The following MALRD1 variants were observed in gnomAD, a reference collection of about 807,000 sequenced individuals.
The protein encoded by MALRD1 is MAM and LDL receptor class A domain containing 1.
A neutral mutation model predicts 242.1 loss-of-function variants in MALRD1; 247 were observed. The ratio of observed to expected loss-of-function variants is 1.02; its 90% CI spans 0.92 to 1.13. The LOEUF (loss-of-function observed/expected upper bound fraction) is 1.13. MALRD1 is among the 50% of genes most tolerant of loss of function. MALRD1 has a pLI of 0.00. For synonymous variants in MALRD1, 995 were observed against 866.6 expected, an observed-to-expected ratio of 1.15 and a Z score of -2.60; for missense variants, 2,989 against 2,533.1, an observed-to-expected ratio of 1.18 and a Z score of -3.86.
At chr10:19,456,778 T>TATTC (rs1276055519) in intron 29 of MALRD1, among the ~76,000 whole-genome samples, 1 of 146,986 alleles carries the variant, frequency 6.8e-6, no homozygotes, top group Non-Finnish European at 1.5e-5. Context: ...TTTATTTATT[T>TATTC]ATTTATTTAT....
chr10:19,591,294 G>C (rs1168434704), intron 33 of MALRD1, among the ~76,000 whole-genome samples: 1 of 152,094 alleles, frequency 6.6e-6, no homozygotes, highest in Non-Finnish European at 1.5e-5. Flanking sequence ...ATTATTATCA[G>C]CTCCAATATC....
chr10:19,102,528 C>A (rs187747111), intron 4 of MALRD1, among the ~76,000 whole-genome samples: 620 of 152,146 alleles, frequency 4.1e-3, no homozygotes, highest in Non-Finnish European at 6.1e-3. Context: ...GAAAAATGAT[C>A]TGTTGTGTTT....
chr10:19,140,960 T>C (rs1218427171), intron 10 of MALRD1, among the ~76,000 whole-genome samples: 2 of 152,142 alleles, frequency 1.3e-5, no homozygotes, highest in African/African-American at 4.8e-5. Flanking sequence ...ACACAAAAGG[T>C]AACTATATGA....
At chr10:19,444,093 G>C (rs1834823077) in intron 28 of MALRD1, among the ~76,000 whole-genome samples, 1 of 152,016 alleles carries the variant, frequency 6.6e-6, no homozygotes, top group Non-Finnish European at 1.5e-5. Context: ...GATCTCTGTT[G>C]GTTTAAATTC....
chr10:19,715,529 A>C (rs896342522), intron 38 of MALRD1, among the ~76,000 whole-genome samples: 1 of 152,144 alleles, frequency 6.6e-6, no homozygotes, highest in African/African-American at 2.4e-5. Flanking sequence ...GCAAAAATTT[A>C]TTGGAGAAAA....
At position 19,266,190 on chromosome 10, in the gene MALRD1, T is replaced by C. The variant is rs545131278; in HGVS notation, c.3079+8419T>C. Among the ~76,000 whole-genome samples the C allele has an allele frequency of 2.4e-3, 368 of 151,962 alleles. 2 individuals are homozygous for C. The highest frequency in any genetic ancestry group is 4.0e-3 in the Non-Finnish European group (273 of 67,812). On this transcript the variant is annotated intron_variant, in intron 19 of 39. Coordinates refer to ENST00000454679, the MANE Select transcript of MALRD1 (RefSeq NM_001142308.3). Reference sequence around the variant, plus strand: ...TAAGACATTCTATGTCTTTTTGTTGTAGAATGTAATTCACTTACATTTAAA... The same window carrying C: ...TAAGACATTCTATGTCTTTTTGTTGCAGAATGTAATTCACTTACATTTAAA...
At chr10:19,241,013 C>T (rs892143779) in intron 18 of MALRD1, among the ~76,000 whole-genome samples, 1 of 151,928 alleles carries the variant, frequency 6.6e-6, no homozygotes, top group African/African-American at 2.4e-5. Flanking sequence ...GGAATATTGG[C>T]CTGTTATTTT....
rs1846138376 is a variant in MALRD1, at chr10:19,387,578, C to G, written c.4492C>G (p.Leu1498Val). 3 of 1,550,246 alleles carry G rather than the reference C, an allele frequency of 1.9e-6. No homozygotes were observed. The highest frequency in any genetic ancestry group is 2.6e-6 in the Non-Finnish European group (3 of 1,146,880). The change falls in exon 27 of 40, where the codon CTG (leucine) becomes GTG (valine). Residue 1498 changes from leucine to valine, a missense_variant. Physicochemically the swap from Leu to Val is conservative, Grantham distance 32. Coordinates refer to ENST00000454679, the MANE Select transcript of MALRD1 (RefSeq NM_001142308.3). ...ATGTCATAATGGAAAATGCTATAGGCTGGAACAAAGCTGTAACTTCGTAGA... is the reference window on the plus strand; with the variant it reads ...ATGTCATAATGGAAAATGCTATAGGGTGGAACAAAGCTGTAACTTCGTAGA... ...RECHNGKCYRLEQSCNFVDNC... is the reference protein window; with the variant it reads ...RECHNGKCYRVEQSCNFVDNC...
At chr10:19,542,086 A>G (rs1420868406) in intron 32 of MALRD1, among the ~76,000 whole-genome samples, 1 of 152,178 alleles carries the variant, frequency 6.6e-6, no homozygotes, top group Non-Finnish European at 1.5e-5. Flanking sequence ...GAGTTATGCA[A>G]CTAAAAATTA....
At chr10:19,597,761 C>T (rs10764088) in intron 34 of MALRD1, among the ~76,000 whole-genome samples, 77,102 of 151,962 alleles carry the variant, frequency 0.51, 19,638 homozygotes, top group Non-Finnish European at 0.53. Flanking sequence ...GTGACAGAGA[C>T]AAGCACCTCG....
At chr10:19,247,800 A>G (rs1353373299) in intron 18 of MALRD1, among the ~76,000 whole-genome samples, 1 of 152,092 alleles carries the variant, frequency 6.6e-6, no homozygotes, top group Non-Finnish European at 1.5e-5. Context: ...AAAGAACAAA[A>G]TGTTATTAAC....
chr10:19,428,290 A>T (rs1447263259), intron 28 of MALRD1, among the ~76,000 whole-genome samples: 1 of 151,856 alleles, frequency 6.6e-6, no homozygotes, highest in African/African-American at 2.4e-5. Flanking sequence ...GCATAGGTTT[A>T]TCTGACTTCT....
intron 18 of MALRD1, among the ~76,000 whole-genome samples, chr10:19,221,884 G>A (rs534018996): frequency 9.9e-5 from 15 of 151,304 alleles, no homozygotes; most frequent in Middle Eastern, 6.8e-3. Flanking sequence ...AGGCAGGAAG[G>A]AAAGAAGGAA....
chr10:19,105,538 G>A (rs1364543384), intron 5 of MALRD1, among the ~76,000 whole-genome samples: 1 of 151,886 alleles, frequency 6.6e-6, no homozygotes, highest in East Asian at 1.9e-4. Flanking sequence ...ATTTTCTTTG[G>A]ATAAATACTC....
At chr10:19,303,380 T>C (rs1842033328) in intron 21 of MALRD1, among the ~76,000 whole-genome samples, 1 of 151,678 alleles carries the variant, frequency 6.6e-6, no homozygotes, top group Non-Finnish European at 1.5e-5. Flanking sequence ...TTATTTAATA[T>C]ATAAATAAAT....
intron 38 of MALRD1, among the ~76,000 whole-genome samples, chr10:19,724,527 C>T (rs1256602569): frequency 6.6e-6 from 1 of 152,156 alleles, no homozygotes; most frequent in East Asian, 1.9e-4. Flanking sequence ...ACCTTTGTTT[C>T]CTTTCAACCC....
intron 36 of MALRD1, among the ~76,000 whole-genome samples, chr10:19,635,034 C>A (rs550187995): frequency 6.6e-6 from 1 of 152,190 alleles, no homozygotes; most frequent in African/African-American, 2.4e-5. Context: ...TGGCAAGGAT[C>A]ACAGACTGCC....
At position 19,205,229 on chromosome 10, in the gene MALRD1, G is replaced by A; in HGVS notation, c.2542G>A (p.Asp848Asn). Reference protein sequence around the residue: ...IEKLRLCDLVDDCGDRTDEVN... With the variant: ...IEKLRLCDLVNDCGDRTDEVN... The stretch of plus-strand genomic sequence containing the variant: ...AAAGCTTCGGTTATGTGATCTGGTG[G>A]ATGACTGTGGTGATCGTACTGATGA... Residue 848 changes from aspartate (D) to asparagine (N), a missense_variant, in exon 17 of 40, where the codon GAT becomes AAT. Asp to Asn is a conservative substitution (Grantham distance 23, BLOSUM62 1). Transcript: ENST00000454679. The A allele has an allele frequency of 6.4e-7, 1 of 1,550,856 alleles. No homozygotes were observed. Among genetic ancestry groups the A allele is most frequent in the Non-Finnish European group, 8.7e-7 (1 of 1,147,034 alleles).
intron 24 of MALRD1, among the ~76,000 whole-genome samples, chr10:19,346,204 C>G (rs1377939632): frequency 6.6e-6 from 1 of 152,082 alleles, no homozygotes; most frequent in Non-Finnish European, 1.5e-5. Flanking sequence ...CAGAAACAAA[C>G]AAACAAAAAC....
Sources: gnomAD v4.1 joint callset for allele counts (sites outside exome capture counted in the v4.1 genomes callset) on GRCh38, gnomAD v4.1.1 for gene constraint, MANE v1.5 for transcripts, NCBI Gene and HGNC (gene_info 2026-07-23, HGNC 2026-07-21) for gene names.